The following PER2 variants were observed in gnomAD, a reference collection of about 807,000 sequenced individuals.
PER2 encodes period circadian protein homolog 2.
A neutral mutation model predicts 121.0 loss-of-function variants in PER2; 66 were observed. The ratio of observed to expected loss-of-function variants is 0.55; its 90% CI spans 0.45 to 0.67. The LOEUF (loss-of-function observed/expected upper bound fraction) is 0.67. PER2 is among the 30% of genes least tolerant of loss of function. The pLI, the probability that PER2 is intolerant of heterozygous loss-of-function variation, is 0.00. For missense variants in PER2, 1,521 were observed against 1,635.0 expected (o/e 0.93, Z 1.20); for synonymous variants, 684 against 659.9 (o/e 1.04, Z -0.56).
chr2:238,289,502 T>C (rs1696904817), upstream of PER2: 1 of 152,230 alleles, frequency 6.6e-6, no homozygotes, highest in African/African-American at 2.4e-5. Flanking sequence ...TCATTGTTAC[T>C]CTGGGGAGGT....
At chr2:238,285,450 A>G (rs1696754417) in intron 1 of PER2, among the ~76,000 whole-genome samples, 1 of 152,152 alleles carries the variant, frequency 6.6e-6, no homozygotes, top group African/African-American at 2.4e-5. Context: ...TACTTTCCAT[A>G]ATAGTGTTTA....
rs1695634138 is a variant in PER2, at chr2:238,252,511, T to C, written c.3111+401A>G. Among the ~76,000 whole-genome samples, 1 of 152,228 alleles carries C rather than the reference T, an allele frequency of 6.6e-6. No individual in the cohort carries two copies. Among genetic ancestry groups the C allele is most frequent in the South Asian group, 2.1e-4 (1 of 4,838 alleles). On this transcript the variant is annotated intron_variant, in intron 19 of 22. Transcript: ENST00000254657. This position sits in a 1 kb window ranked among gnomAD's most constrained non-coding sequence, Gnocchi z 4.2. ...TGGTTTTAGGGCTGTGTCCCCCTCC[T>C]TCTCCGCCTTCACCGGGGCCACCTG...
At chr2:238,289,371 C>G (rs923187176), upstream of PER2, 1 of 152,238 alleles carries the variant, frequency 6.6e-6, no homozygotes, top group African/African-American at 2.4e-5. Context: ...TGCAGCAGCT[C>G]CGGGGGCACG....
At chr2:238,260,094 G>A in intron 13 of PER2, 41 bp from the exon 14 acceptor site, 2 of 866,360 alleles carry the variant, frequency 2.3e-6, no homozygotes, top group East Asian at 5.1e-5. Flanking sequence ...CATTCTAGGA[G>A]ACCTCCTTCA....
intron 16 of PER2, 56 bp from the exon 17 acceptor site, chr2:238,257,142 G>A (rs983053286): frequency 7.8e-6 from 12 of 1,542,486 alleles, no homozygotes; most frequent in Non-Finnish European, 1.1e-5. Context: ...GCACTGTGCA[G>A]ATGAGAAACC....
the PER2 span, chr2:238,295,486 G>A: frequency 1.3e-5 from 2 of 152,312 alleles, no homozygotes; most frequent in Non-Finnish European, 2.9e-5. Context: ...CCCTGCCTCA[G>A]CGTCCCAAAG....
chr2:238,271,643 G>T, intron 5 of PER2, 130 bp from the exon 6 acceptor site: 1 of 718,004 alleles, frequency 1.4e-6, no homozygotes, highest in Non-Finnish European at 2.5e-6. Flanking sequence ...TGACTCCCTT[G>T]CCTAGCCCTC....
chr2:238,262,971 C>T lies in PER2; in HGVS notation c.1134G>A (p.Met378Ile). Residue 378 changes from methionine (M) to isoleucine (I), a missense_variant, in exon 10 of 23, where the codon ATG becomes ATA. Transcript: ENST00000254657. Reference protein sequence around the residue: ...VQLHPSDRPLMLAIHKKILQS... With the variant: ...VQLHPSDRPLILAIHKKILQS... ...ACCTACTCTTTTTGTGGATGGCCAG[C>T]ATCAAGGGCCTGTCACTAGGGTGGA... 6.2e-7 allele frequency: 1 copy of T among 1,612,158 alleles called. No homozygotes were observed. Among genetic ancestry groups the T allele is most frequent in the Non-Finnish European group, 8.5e-7 (1 of 1,178,214 alleles).
intron 8 of PER2, 99 bp downstream of exon 8, chr2:238,267,957 A>G (rs1161038410): frequency 5.9e-6 from 8 of 1,365,798 alleles, no homozygotes; most frequent in Admixed American, 1.8e-5. Flanking sequence ...GGGGAACTGC[A>G]GCGGGGAGTC....
Position 238,262,448 on chromosome 2 carries a change from C to T in PER2, c.1154-104G>A, listed in dbSNP as rs1196693534. 4.5e-6 allele frequency: 5 copies of T among 1,122,696 alleles called. No homozygotes were observed. In the South Asian group the frequency reaches 5.2e-5, roughly 12 times the overall value. The allele number at this position is 1,122,696 out of a possible 1,614,324, so 69.5% of individuals were successfully genotyped here. On this transcript the variant is annotated intron_variant, in intron 10 of 22. Transcript: ENST00000254657. ...ACTCAGGCCCAGGATCATTTGCAAA[C>T]TGTAGGGGTATGAACACTTCTTCAA...
chr2:238,281,153 G>A (rs1048550185), intron 1 of PER2, among the ~76,000 whole-genome samples: 10 of 151,996 alleles, frequency 6.6e-5, no homozygotes, highest in Non-Finnish European at 1.2e-4. Flanking sequence ...ACAGGTGTCC[G>A]CCACCACGCC....
chr2:238,255,989 A>G (rs1284592966), intron 17 of PER2, 78 bp from the exon 18 acceptor site: 2 of 1,543,254 alleles, frequency 1.3e-6, no homozygotes, highest in Non-Finnish European at 8.9e-7. Flanking sequence ...TTCACGAACA[A>G]GACAAATCAT....
chr2:238,252,864 G>A lies in PER2; in HGVS notation c.3111+48C>T. 1 of 1,521,050 alleles carries A rather than the reference G, an allele frequency of 6.6e-7. No individual in the cohort carries two copies. The highest frequency in any genetic ancestry group is 9.1e-7 in the Non-Finnish European group (1 of 1,098,924). 94.2% of individuals were successfully genotyped at this position (1,521,050 alleles called of 1,614,324 possible). On this transcript the variant is annotated intron_variant, in intron 19 of 22. Coordinates refer to ENST00000254657, the MANE Select transcript of PER2 (RefSeq NM_022817.3). This position sits in a 1 kb window ranked among gnomAD's most constrained non-coding sequence, Gnocchi z 4.2. Reference sequence around the variant, plus strand: ...AGGATGTGCGGCCGGCCTGCCAGGTGTGCTGTTTGCTGCCTGCTTTGGGGA... The same window carrying A: ...AGGATGTGCGGCCGGCCTGCCAGGTATGCTGTTTGCTGCCTGCTTTGGGGA...
intron 22 of PER2, among the ~76,000 whole-genome samples, chr2:238,247,042 A>T (rs1695468983): frequency 6.6e-6 from 1 of 152,234 alleles, no homozygotes. Flanking sequence ...TATAGAGGAC[A>T]TCTGTGATTT....
intron 1 of PER2, among the ~76,000 whole-genome samples, chr2:238,285,856 C>T (rs951883795): frequency 6.6e-6 from 1 of 152,188 alleles, no homozygotes; most frequent in African/African-American, 2.4e-5. Context: ...CAGGATTTTA[C>T]AACCCCAAAT....
chr2:238,295,820 A>G, the PER2 span: 34 of 171,596 alleles, frequency 2.0e-4, no homozygotes, highest in African/African-American at 8.2e-4. Context: ...GCTTTGCTAC[A>G]GGGAGGAAGC....
chr2:238,269,145 T>C (rs192709832), intron 6 of PER2, among the ~76,000 whole-genome samples, 171 bp from the exon 7 acceptor site: 138 of 152,368 alleles, frequency 9.1e-4, no homozygotes, highest in African/African-American at 3.3e-3. Flanking sequence ...CTATTACATT[T>C]TTGACTAAAA....
rs2106324558 is a variant in PER2 at position 238,277,174 on chromosome 2, T to G, written c.250A>C (p.Met84Leu). ...GGGTTGTGTTCAGATTTTGCCATCA[T>G]CAGGCTAAAGGTATCTGGACTATGA... Reference protein sequence around the residue: ...ARQSPDTFSLMMAKSEHNPST... With the variant: ...ARQSPDTFSLLMAKSEHNPST... The change falls in exon 3 of 23, where the codon ATG (methionine) becomes CTG (leucine). Residue 84 changes from methionine (M) to leucine (L), a missense_variant. Met to Leu is a conservative substitution (Grantham distance 15, BLOSUM62 2). Transcript: ENST00000254657. The G allele has an allele frequency of 6.8e-6, 11 of 1,613,386 alleles. No homozygotes were observed. The highest frequency in any genetic ancestry group is 8.5e-6 in the Non-Finnish European group (10 of 1,179,258).
chr2:238,296,905 C>T, the PER2 span, among the ~76,000 whole-genome samples: 1 of 152,228 alleles, frequency 6.6e-6, no homozygotes, highest in Admixed American at 6.5e-5. Context: ...GCCAGCACCA[C>T]GCTCTGGGCT....
Sources: gnomAD v4.1 joint callset for allele counts (sites outside exome capture counted in the v4.1 genomes callset) on GRCh38, gnomAD v4.1.1 for gene constraint, Gnocchi (gnomAD v3.1) non-coding constraint, MANE v1.5 for transcripts, NCBI Gene and HGNC (gene_info 2026-07-23, HGNC 2026-07-21) for gene names.